Variants in HHLA2 observed in about 807,000 individuals in gnomAD.
HHLA2 encodes the protein HHLA2 member of B7 family.
A neutral mutation model predicts 45.9 loss-of-function variants in HHLA2; 48 were observed. The ratio of observed to expected loss-of-function variants is 1.05; its 90% confidence interval spans 0.83 to 1.33. HHLA2 has a LOEUF of 1.33. Ranked by LOEUF, HHLA2 falls within the 40% of genes most tolerant of loss-of-function variation. HHLA2 has a pLI of 0.00. For synonymous variants in HHLA2, 161 were observed against 173.9 expected (o/e 0.93, Z 0.59); for missense variants, 462 against 494.3 (o/e 0.93, Z 0.62).
intron 7 of HHLA2, among the ~76,000 whole-genome samples, chr3:108,359,499 G>T (rs2081953375): frequency 6.6e-6 from 1 of 152,106 alleles, no homozygotes; most frequent in African/African-American, 2.4e-5. Flanking sequence ...TTCCCAGGAG[G>T]TGCTACAACA....
In HHLA2 at chr3:108,362,425, TG is replaced by T; in HGVS notation, c.1089del (p.Trp363Ter). 6.2e-7 allele frequency: 1 copy of T among 1,610,966 alleles called. No homozygotes were observed. Among genetic ancestry groups the T allele is most frequent in the Non-Finnish European group, 8.5e-7 (1 of 1,178,450 alleles). On this transcript the variant is annotated frameshift_variant, in exon 8 of 11. Coordinates refer to ENST00000619531, the Ensembl canonical transcript of HHLA2. LOFTEE classifies it high-confidence loss of function. ...GATTTTGGCAGCTTTTCTGCTGATT[TG>T]GAGCGTAAAATGTTGCAGAGGTAAT... is the stretch of plus-strand genomic sequence containing the variant.
intron 2 of HHLA2, among the ~76,000 whole-genome samples, chr3:108,327,824 G>A (rs2061245): frequency 0.55 from 83,303 of 152,010 alleles, 23,431 homozygotes; most frequent in Middle Eastern, 0.63. Context: ...TTTACTGTGT[G>A]TCATTGTATT....
At chr3:108,323,469 A>C (rs191890853) in intron 2 of HHLA2, among the ~76,000 whole-genome samples, 65 of 152,304 alleles carry the variant, frequency 4.3e-4, no homozygotes, top group Admixed American at 3.9e-4. Flanking sequence ...TATTGAGTTA[A>C]GGAGATAAGA....
At chr3:108,375,470 A>G (rs983559774) in intron 8 of HHLA2, among the ~76,000 whole-genome samples, 3 of 152,106 alleles carry the variant, frequency 2.0e-5, no homozygotes, top group African/African-American at 7.2e-5. Context: ...CTAAAACTTA[A>G]AAGAATAATA....
At chr3:108,339,451 T>C (rs2081528525) in intron 3 of HHLA2, among the ~76,000 whole-genome samples, 1 of 152,176 alleles carries the variant, frequency 6.6e-6, no homozygotes, top group African/African-American at 2.4e-5. Flanking sequence ...AGCAAATTAC[T>C]TAACCTCTCT....
intron 3 of HHLA2, among the ~76,000 whole-genome samples, chr3:108,331,475 C>G (rs954136072): frequency 1.3e-5 from 2 of 152,070 alleles, no homozygotes; most frequent in African/African-American, 4.8e-5. Flanking sequence ...TGACATTTCA[C>G]CCCTAAACAC....
intron 1 of HHLA2, among the ~76,000 whole-genome samples, chr3:108,303,586 TA>T (rs1444661236): frequency 6.6e-6 from 1 of 152,212 alleles, no homozygotes; most frequent in Non-Finnish European, 1.5e-5. Flanking sequence ...TTATTTTGTA[TA>T]TTTTTTTCTA....
At chr3:108,336,580 A>G (rs1458106445) in intron 3 of HHLA2, among the ~76,000 whole-genome samples, 1 of 152,150 alleles carries the variant, frequency 6.6e-6, no homozygotes, top group Non-Finnish European at 1.5e-5. Context: ...AAATGGCAGA[A>G]AGTGGGATAC....
intron 2 of HHLA2, among the ~76,000 whole-genome samples, chr3:108,318,994 A>T (rs960803345): frequency 6.6e-6 from 1 of 152,140 alleles, no homozygotes; most frequent in Non-Finnish European, 1.5e-5. Context: ...AATATCACTC[A>T]CAAGGTAGCT....
At chr3:108,327,063 T>G (rs2081301619) in intron 2 of HHLA2, among the ~76,000 whole-genome samples, 1 of 152,214 alleles carries the variant, frequency 6.6e-6, no homozygotes, top group Non-Finnish European at 1.5e-5. Context: ...CTTGAAATAT[T>G]TTTGCTACAA....
chr3:108,297,322 GA>G (rs2080776738), intron 1 of HHLA2, among the ~76,000 whole-genome samples: 1 of 152,148 alleles, frequency 6.6e-6, no homozygotes, highest in Non-Finnish European at 1.5e-5. Flanking sequence ...AAACTTGGAG[GA>G]AATAATTTCT....
chr3:108,368,240 G>A (rs553671243), intron 8 of HHLA2, among the ~76,000 whole-genome samples: 2 of 151,876 alleles, frequency 1.3e-5, no homozygotes, highest in Middle Eastern at 3.2e-3. Context: ...ACCAGTACCA[G>A]CCACTGCAAA....
At chr3:108,364,271 G>A (rs956547683) in intron 8 of HHLA2, among the ~76,000 whole-genome samples, 3 of 152,140 alleles carry the variant, frequency 2.0e-5, no homozygotes, top group African/African-American at 7.2e-5. Context: ...GTGATAGTTT[G>A]CTGAGAATGA....
Sources: gnomAD v4.1 joint callset for allele counts (sites outside exome capture counted in the v4.1 genomes callset) on GRCh38, gnomAD v4.1.1 for gene constraint, MANE v1.5 for transcripts, NCBI Gene and HGNC (gene_info 2026-07-23, HGNC 2026-07-21) for gene names.